The following SYTL5 variants were observed in gnomAD, a reference collection of about 807,000 sequenced individuals.
The protein encoded by SYTL5 is synaptotagmin-like protein 5.
A neutral mutation model predicts 55.9 loss-of-function variants in SYTL5; 34 were observed. That is an observed-to-expected ratio of 0.61 (90% confidence interval 0.46 to 0.81). SYTL5 has a LOEUF of 0.81. SYTL5 is among the 30% of genes least tolerant of loss of function. The probability of loss-of-function intolerance (pLI) is 0.00; values close to 1 mark genes in which losing one functional copy is unlikely to be tolerated. For missense variants in SYTL5, 637 were observed against 546.7 expected (o/e 1.17, Z -1.65); for synonymous variants, 221 against 188.7 (o/e 1.17, Z -1.40).
At chrX:37,920,970 C>A in the SYTL5 span, among the ~76,000 whole-genome samples, 2 of 111,209 alleles carry the variant, frequency 1.8e-5, no homozygotes, top group African/African-American at 3.3e-5. Flanking sequence ...TTACAAAGGT[C>A]ACATGATTAT....
the SYTL5 span, among the ~76,000 whole-genome samples, chrX:37,938,288 T>C: frequency 8.9e-6 from 1 of 112,188 alleles, no homozygotes; most frequent in African/African-American, 3.2e-5. Flanking sequence ...TATCAAATTG[T>C]TAGTCATTCT....
the SYTL5 span, among the ~76,000 whole-genome samples, chrX:37,960,885 T>A: frequency 2.8e-5 from 3 of 108,846 alleles, no homozygotes; most frequent in Non-Finnish European, 3.8e-5. Flanking sequence ...AAGCTCCACC[T>A]CCCGGGTTCA....
At chrX:38,036,841 C>A (rs1935121618) in intron 2 of SYTL5, among the ~76,000 whole-genome samples, 1 of 111,848 alleles carries the variant, frequency 8.9e-6, no homozygotes, top group Non-Finnish European at 1.9e-5. Flanking sequence ...TCAGTGACAT[C>A]ATAAGATTGT....
In SYTL5 at chrX:38,054,402, C is replaced by T. The variant is rs751418650; in HGVS notation, c.309C>T (p.Cys103=). ...RVAGPNGSWK[C]TVCDKIAQLR... Reference sequence around the variant, plus strand: ...CAGGCCCCAATGGCAGCTGGAAGTGCACTGTCTGTGACAAAATCGCGTGAG... The same window carrying T: ...CAGGCCCCAATGGCAGCTGGAAGTGTACTGTCTGTGACAAAATCGCGTGAG... Residue 103 remains cysteine, a synonymous_variant, in exon 3 of 17, where the codon TGC becomes TGT. Coordinates refer to ENST00000297875, the MANE Select transcript of SYTL5 (RefSeq NM_138780.3). The T allele has an allele frequency of 1.7e-6, 2 of 1,210,809 alleles. No homozygotes were observed. The highest frequency in any genetic ancestry group is 5.9e-5 in the East Asian group (2 of 33,837).
the SYTL5 span, among the ~76,000 whole-genome samples, chrX:37,953,569 A>G: frequency 4.5e-5 from 5 of 111,221 alleles, no homozygotes; most frequent in East Asian, 5.6e-4. Context: ...CTTTGAGGCT[A>G]GAGTCATGAT....
the SYTL5 span, among the ~76,000 whole-genome samples, chrX:37,975,976 T>C: frequency 9.0e-6 from 1 of 111,425 alleles, no homozygotes; most frequent in African/African-American, 3.3e-5. Context: ...AAAAGTAGAG[T>C]GGCCTCTGCC....
At chrX:37,987,335 A>G in the SYTL5 span, among the ~76,000 whole-genome samples, 1 of 112,375 alleles carries the variant, frequency 8.9e-6, no homozygotes, top group Non-Finnish European at 1.9e-5. Context: ...TTTACCAGGA[A>G]CAGCCTTTAT....
At chrX:38,103,217 G>A in intron 10 of SYTL5, 3 of 431,847 alleles carry the variant, frequency 6.9e-6, no homozygotes, top group Non-Finnish European at 1.1e-5. Flanking sequence ...ATTAACCAGA[G>A]GTTATCTTCT....
chrX:37,901,877 C>T, the SYTL5 span, among the ~76,000 whole-genome samples: 1 of 111,313 alleles, frequency 9.0e-6, no homozygotes, highest in African/African-American at 3.3e-5. Flanking sequence ...ATTTGGGAGT[C>T]ATTAGCAAAT....
At chrX:38,124,560 TCG>T (rs1937607071) in intron 15 of SYTL5, among the ~76,000 whole-genome samples, 1 of 111,910 alleles carries the variant, frequency 8.9e-6, no homozygotes, top group African/African-American at 3.3e-5. Flanking sequence ...TTGACCATAG[TCG>T]AGAAAACCTA....
the SYTL5 span, among the ~76,000 whole-genome samples, chrX:37,888,930 C>CAA: frequency 2.4e-3 from 128 of 54,154 alleles, no homozygotes; most frequent in South Asian, 0.012. Context: ...GACTCTGTCT[C>CAA]AAAAAAAAAA....
At chrX:38,036,216 G>A (rs1210435618) in intron 2 of SYTL5, among the ~76,000 whole-genome samples, 3 of 110,991 alleles carry the variant, frequency 2.7e-5, no homozygotes, top group African/African-American at 9.8e-5. Flanking sequence ...TGAGGCAGGA[G>A]AATCGCTTGA....
At chrX:38,038,091 A>C (rs1234984379) in intron 2 of SYTL5, among the ~76,000 whole-genome samples, 1 of 111,734 alleles carries the variant, frequency 8.9e-6, no homozygotes, top group African/African-American at 3.3e-5. Context: ...GACGAGGTAC[A>C]TCCATATTGG....
At position 38,097,603 on chromosome X, in the gene SYTL5, A is replaced by T. The variant is rs184540693; in HGVS notation, c.1062+1369A>T. On this transcript the variant is annotated intron_variant, in intron 9 of 16. Coordinates refer to ENST00000297875, the MANE Select transcript of SYTL5 (RefSeq NM_138780.3). ...ATATTCTGTGTTAATGGATTAGAAG[A>T]TTCAATATTTTTAAGATGGAAATTC... is the stretch of plus-strand genomic sequence containing the variant. Among the ~76,000 whole-genome samples, 917 of 110,874 alleles carry T rather than the reference A, an allele frequency of 8.3e-3. 7 individuals are homozygous for T. Among genetic ancestry groups the T allele is most frequent in the Non-Finnish European group, 0.012 (644 of 52,402 alleles).
chrX:37,899,241 G>A, the SYTL5 span, among the ~76,000 whole-genome samples: 4 of 109,953 alleles, frequency 3.6e-5, no homozygotes, highest in Admixed American at 9.7e-5. Context: ...TTATTAGGTC[G>A]CCCAGGGTAC....
chrX:38,060,857 A>G (rs1166531621), intron 3 of SYTL5, among the ~76,000 whole-genome samples: 1 of 112,234 alleles, frequency 8.9e-6, no homozygotes, highest in African/African-American at 3.2e-5. Flanking sequence ...GAACTTCTGA[A>G]TCAATTGCAC....
At chrX:38,012,636 T>C (rs1177824193) in intron 1 of SYTL5, among the ~76,000 whole-genome samples, 2 of 112,402 alleles carry the variant, frequency 1.8e-5, no homozygotes, top group Non-Finnish European at 3.8e-5. Flanking sequence ...GTTTACTTAA[T>C]ACAAATAGCA....
the SYTL5 span, among the ~76,000 whole-genome samples, chrX:37,962,294 T>C: frequency 9.0e-6 from 1 of 110,622 alleles, no homozygotes; most frequent in Non-Finnish European, 1.9e-5. Context: ...TCATTGTTCA[T>C]TTCCTACCTA....
chrX:38,109,110 T>C (rs992526293), intron 12 of SYTL5, among the ~76,000 whole-genome samples: 2 of 112,373 alleles, frequency 1.8e-5, no homozygotes, highest in Non-Finnish European at 3.8e-5. Flanking sequence ...AGGTCTATAC[T>C]GTTTGTTGTT....
Sources: gnomAD v4.1 joint callset for allele counts (sites outside exome capture counted in the v4.1 genomes callset) on GRCh38, gnomAD v4.1.1 for gene constraint, MANE v1.5 for transcripts, NCBI Gene and HGNC (gene_info 2026-07-23, HGNC 2026-07-21) for gene names.